Variants in GPC5 observed in about 807,000 individuals in gnomAD.
GPC5 encodes glypican-5.
A neutral mutation model predicts 53.9 loss-of-function variants in GPC5; 47 were observed. The observed-to-expected ratio is 0.87, with a 90% confidence interval of 0.69 to 1.11. GPC5 has a LOEUF of 1.11. Ranked by LOEUF, GPC5 falls within the 50% of genes most tolerant of loss-of-function variation. The probability of loss-of-function intolerance (pLI) is 0.00; values close to 1 mark genes in which losing one functional copy is unlikely to be tolerated. For synonymous variants in GPC5, 286 were observed against 263.3 expected, an observed-to-expected ratio of 1.09 and a Z score of -0.84; for missense variants, 748 against 713.1, an observed-to-expected ratio of 1.05 and a Z score of -0.56.
chr13:92,158,577 T>C (rs1222873668), intron 7 of GPC5, among the ~76,000 whole-genome samples: 1 of 152,040 alleles, frequency 6.6e-6, no homozygotes, highest in African/African-American at 2.4e-5. Flanking sequence ...TCATCTTGTG[T>C]TCCTCCTCTC....
rs144574769 is a variant in GPC5 at position 92,258,503 on chromosome 13, A to T, written c.1561+113514A>T. Among the ~76,000 whole-genome samples the T allele has an allele frequency of 2.4e-4, 37 of 152,340 alleles. No homozygotes were observed. The East Asian group carries it at 5.0e-3, about 21-fold the overall frequency. The stretch of plus-strand genomic sequence containing the variant: ...TATGTATTCTAGTCAGTGTGTTAAT[A>T]TCAGTAAGAGTAAATCAGAAGAGTT... On this transcript the variant is annotated intron_variant, in intron 7 of 7. Transcript: ENST00000377067.
chr13:92,679,184 G>A (rs947146914), intron 7 of GPC5, among the ~76,000 whole-genome samples: 6 of 152,078 alleles, frequency 3.9e-5, no homozygotes, highest in Admixed American at 3.9e-4. Context: ...TTAGTTTAGT[G>A]TATTTCCACA....
intron 7 of GPC5, among the ~76,000 whole-genome samples, chr13:92,151,570 C>T (rs1019445115): frequency 1.3e-5 from 2 of 152,138 alleles, no homozygotes; most frequent in African/African-American, 2.4e-5. Context: ...ACTTTGGTAT[C>T]AGTCTCTGAT....
chr13:91,686,494 TG>T (rs2035625590), intron 2 of GPC5, among the ~76,000 whole-genome samples: 1 of 151,972 alleles, frequency 6.6e-6, no homozygotes, highest in Admixed American at 6.6e-5. Flanking sequence ...TTTTACTTTT[TG>T]GAAAAAAATT....
intron 7 of GPC5, among the ~76,000 whole-genome samples, chr13:92,630,241 C>CAGATTA (rs1188607114): frequency 5.3e-5 from 8 of 152,000 alleles, no homozygotes; most frequent in African/African-American, 1.9e-4. Context: ...AACCTGAAAG[C>CAGATTA]ACAGGGAAGT....
rs1374940250 is a variant in GPC5 at position 92,018,027 on chromosome 13, C to G, written c.1401+109970C>G. ...ACACACATACACATGCACGAGTACA[C>G]ACACACACAAGCTTCCACAAAACAC... On this transcript the variant is annotated intron_variant, in intron 6 of 7. Coordinates refer to ENST00000377067, the MANE Select transcript of GPC5 (RefSeq NM_004466.6). Among the ~76,000 whole-genome samples the G allele has an allele frequency of 2.6e-5, 4 of 151,956 alleles. No individual in the cohort carries two copies. In the East Asian group the frequency reaches 7.7e-4, roughly 29 times the overall value.
chr13:92,424,770 T>C (rs1490330731), intron 7 of GPC5, among the ~76,000 whole-genome samples: 2 of 152,072 alleles, frequency 1.3e-5, no homozygotes, highest in East Asian at 1.9e-4. Flanking sequence ...CTTTGATTGC[T>C]TCACTGTCAT....
At chr13:92,484,734 ATTTT>A (rs1200123647) in intron 7 of GPC5, 2 of 151,466 alleles carry the variant, frequency 1.3e-5, no homozygotes, top group East Asian at 3.9e-4. Context: ...TTTTTATTTT[ATTTT>A]TTTATTTTTT....
At chr13:92,584,112 G>C (rs1883459352) in intron 7 of GPC5, among the ~76,000 whole-genome samples, 1 of 152,126 alleles carries the variant, frequency 6.6e-6, no homozygotes, top group African/African-American at 2.4e-5. Context: ...AGTAGAGTGG[G>C]GCATTACTGA....
chr13:91,417,737 T>C (rs1424446138), intron 1 of GPC5, among the ~76,000 whole-genome samples: 1 of 152,190 alleles, frequency 6.6e-6, no homozygotes, highest in African/African-American at 2.4e-5. Context: ...GTTCTTGTTA[T>C]AAGCATATAT....
chr13:92,853,089 T>C (rs148663149), intron 7 of GPC5, among the ~76,000 whole-genome samples: 1 of 152,204 alleles, frequency 6.6e-6, no homozygotes, highest in Non-Finnish European at 1.5e-5. Flanking sequence ...TCACCACTTA[T>C]GTTAAGTGTA....
At chr13:91,972,217 G>A (rs905399799) in intron 6 of GPC5, among the ~76,000 whole-genome samples, 21 of 152,162 alleles carry the variant, frequency 1.4e-4, no homozygotes, top group Non-Finnish European at 2.6e-4. Context: ...TTACCATTAT[G>A]TAATGGCCTT....
chr13:92,792,681 A>T (rs1360048737), intron 7 of GPC5, among the ~76,000 whole-genome samples: 1 of 152,158 alleles, frequency 6.6e-6, no homozygotes, highest in East Asian at 1.9e-4. Flanking sequence ...AAATAAAGGG[A>T]TGGAGGAAGA....
At chr13:92,564,499 G>T (rs935934908) in intron 7 of GPC5, among the ~76,000 whole-genome samples, 1 of 151,670 alleles carries the variant, frequency 6.6e-6, no homozygotes, top group Non-Finnish European at 1.5e-5. Context: ...TTTATTTTTT[G>T]GTGTTTAATT....
chr13:92,225,883 A>G (rs953108736), intron 7 of GPC5, among the ~76,000 whole-genome samples: 60 of 152,294 alleles, frequency 3.9e-4, no homozygotes, highest in African/African-American at 1.4e-3. Flanking sequence ...TCCTGAATAA[A>G]ATTCCAAAAA....
intron 2 of GPC5, among the ~76,000 whole-genome samples, chr13:91,626,641 G>T (rs1432413509): frequency 6.6e-6 from 1 of 151,854 alleles, no homozygotes; most frequent in Non-Finnish European, 1.5e-5. Context: ...TGATTGAGGA[G>T]CTTATTTTAT....
intron 2 of GPC5, among the ~76,000 whole-genome samples, chr13:91,660,009 G>GA (rs1162160166): frequency 6.6e-6 from 1 of 151,952 alleles, no homozygotes; most frequent in Admixed American, 6.6e-5. Flanking sequence ...CTTAATAGAG[G>GA]AAAAAAAGAA....
intron 2 of GPC5, among the ~76,000 whole-genome samples, chr13:91,483,200 G>T (rs184913252): frequency 8.1e-4 from 124 of 152,218 alleles, no homozygotes; most frequent in African/African-American, 2.9e-3. Context: ...AGTAGAGCCT[G>T]GTAAAGATAA....
chr13:92,771,595 G>C (rs556242586), intron 7 of GPC5, among the ~76,000 whole-genome samples: 1 of 151,928 alleles, frequency 6.6e-6, no homozygotes, highest in Non-Finnish European at 1.5e-5. Context: ...CACCTGCCTC[G>C]GCCTCCCAAA....
Sources: allele counts gnomAD v4.1 joint callset (sites outside exome capture counted in the v4.1 genomes callset), GRCh38; gene constraint gnomAD v4.1.1; transcripts MANE v1.5; gene names NCBI Gene and HGNC (gene_info 2026-07-23, HGNC 2026-07-21).